Variants in TBC1D2B observed in about 807,000 individuals in gnomAD.
TBC1D2B encodes the protein TBC1 domain family member 2B.
A neutral mutation model predicts 100.8 loss-of-function variants in TBC1D2B; 64 were observed. The observed-to-expected ratio is 0.64, with a 90% CI of 0.52 to 0.78. TBC1D2B has a LOEUF of 0.78. Ranked by LOEUF, TBC1D2B falls within the 30% of genes least tolerant of loss-of-function variation. TBC1D2B has a pLI of 0.00. For missense variants in TBC1D2B, 1,052 were observed against 1,218.4 expected, an observed-to-expected ratio of 0.86 and a Z score of 2.03; for synonymous variants, 480 against 479.7, an observed-to-expected ratio of 1.00 and a Z score of -0.01.
At chr15:78,040,838 A>AGAAAG (rs369034180) in intron 3 of TBC1D2B, among the ~76,000 whole-genome samples, 1 of 16,568 alleles carries the variant, frequency 6.0e-5, no homozygotes, top group South Asian at 1.2e-3. Context: ...AAAGAAAGAA[A>AGAAAG]AAAGAAAGAA....
At chr15:78,055,904 C>T (rs951223452) in intron 1 of TBC1D2B, among the ~76,000 whole-genome samples, 1 of 152,150 alleles carries the variant, frequency 6.6e-6, no homozygotes, top group African/African-American at 2.4e-5. Context: ...GAGCAGGCGA[C>T]GCGGGGCTGG....
intron 2 of TBC1D2B, among the ~76,000 whole-genome samples, chr15:78,047,163 CTTTT>C (rs540479850): frequency 7.3e-6 from 1 of 136,878 alleles, no homozygotes; most frequent in African/African-American, 2.7e-5. Flanking sequence ...AGAGTATACA[CTTTT>C]TTTTTTTTTT....
intron 6 of TBC1D2B, among the ~76,000 whole-genome samples, chr15:78,021,829 G>A (rs781310881): frequency 4.6e-5 from 7 of 151,716 alleles, no homozygotes; most frequent in Middle Eastern, 3.4e-3. Flanking sequence ...AAGAAAAGAG[G>A]AGGGAATGTC....
chr15:78,001,596 T>A, intron 12 of TBC1D2B, 23 bp downstream of exon 12: 1 of 1,597,154 alleles, frequency 6.3e-7, no homozygotes. Flanking sequence ...CTCCTTGACA[T>A]CTGAGAACTC....
intron 1 of TBC1D2B, among the ~76,000 whole-genome samples, chr15:78,054,554 C>T (rs1053035114): frequency 2.0e-5 from 3 of 152,214 alleles, no homozygotes; most frequent in African/African-American, 4.8e-5. Flanking sequence ...GTATGAAAGA[C>T]GGCCTTGCCA....
At chr15:78,060,818 G>A (rs898420163) in intron 1 of TBC1D2B, among the ~76,000 whole-genome samples, 9 of 152,026 alleles carry the variant, frequency 5.9e-5, no homozygotes, top group South Asian at 4.2e-4. Flanking sequence ...TCGGGAGGCC[G>A]AGACAGGAGA....
intron 10 of TBC1D2B, among the ~76,000 whole-genome samples, chr15:78,005,168 G>A (rs879819131): frequency 2.0e-5 from 3 of 152,192 alleles, no homozygotes; most frequent in East Asian, 1.9e-4. Flanking sequence ...AAGGCTGCTC[G>A]GGTGCTTGGC....
rs563767934 is a variant in TBC1D2B at position 78,040,890 on chromosome 15, G to A, written c.683+4010C>T. 7.4e-3 allele frequency among the ~76,000 whole-genome samples: 1,099 copies of A among 147,710 alleles called. 18 individuals carry two copies. Among genetic ancestry groups the A allele is most frequent in the African/African-American group, 0.024 (971 of 40,252 alleles). On this transcript the variant is annotated intron_variant, in intron 3 of 12. Transcript: ENST00000300584. ...AGAAAGAAAGAAAGAAAGAGAGAGAGAGAGAAAGAAAGAAAGAAAGAAAAG... is the reference window on the plus strand; with the variant it reads ...AGAAAGAAAGAAAGAAAGAGAGAGAAAGAGAAAGAAAGAAAGAAAGAAAAG...
intron 1 of TBC1D2B, among the ~76,000 whole-genome samples, chr15:78,061,035 C>T (rs1413592178): frequency 6.9e-6 from 1 of 144,548 alleles, no homozygotes; most frequent in Non-Finnish European, 1.5e-5. Context: ...TGCTTGAGCC[C>T]CGGAGTTCAA....
chr15:78,022,875 A>G (rs374491778), intron 6 of TBC1D2B, among the ~76,000 whole-genome samples: 47 of 152,052 alleles, frequency 3.1e-4, no homozygotes, highest in African/African-American at 8.5e-4. Context: ...AATAGTAGAT[A>G]TAAGTGTAAA....
chr15:78,022,739 G>A (rs2072547215), intron 6 of TBC1D2B, among the ~76,000 whole-genome samples: 1 of 152,044 alleles, frequency 6.6e-6, no homozygotes, highest in Admixed American at 6.6e-5. Flanking sequence ...ATAGAGACGG[G>A]GGTTTCACTA....
Position 78,044,908 on chromosome 15 carries a change from A to G in TBC1D2B, c.675T>C (p.Asn225=), listed in dbSNP as rs1406836087. Residue 225 remains asparagine, a synonymous_variant, in exon 3 of 13, where the codon AAT becomes AAC. Transcript: ENST00000300584. ...GCTTTCTAAAGACTCACTTGAGCTC[A>G]TTGCCCCACTGTTTCAAAGAGTAAA... ...INFYSLKQWG[N]ELKNSMSSFR... is the part of the protein sequence containing the mutation. 5 of 1,610,342 alleles carry G rather than the reference A, an allele frequency of 3.1e-6. No individual in the cohort carries two copies. The highest frequency in any genetic ancestry group is 1.7e-5 in the Admixed American group (1 of 59,390).
At chr15:78,008,806 C>T (rs2072143520) in intron 10 of TBC1D2B, among the ~76,000 whole-genome samples, 191 bp downstream of exon 10, 1 of 152,224 alleles carries the variant, frequency 6.6e-6, no homozygotes, top group South Asian at 2.1e-4. Flanking sequence ...ATGAGCCCAA[C>T]TCGGCCTCAG....
At chr15:78,004,539 A>C (rs1403473974) in intron 10 of TBC1D2B, among the ~76,000 whole-genome samples, 1 of 152,240 alleles carries the variant, frequency 6.6e-6, no homozygotes, top group Non-Finnish European at 1.5e-5. Context: ...CTCACAAAAA[A>C]ACATGCATCT....
intron 7 of TBC1D2B, chr15:78,017,245 A>G (rs895998200): frequency 6.5e-6 from 1 of 154,568 alleles, no homozygotes; most frequent in East Asian, 1.9e-4. Flanking sequence ...TATCAGGTAT[A>G]TAACAGCTGT....
In TBC1D2B at chr15:78,034,949, T is replaced by C. The variant is rs561394338; in HGVS notation, c.684-4779A>G. 5.9e-5 allele frequency among the ~76,000 whole-genome samples: 9 copies of C among 152,338 alleles called. No individual in the cohort carries two copies. In the East Asian group the frequency reaches 1.7e-3, roughly 29 times the overall value. On this transcript the variant is annotated intron_variant, in intron 3 of 12. Transcript: ENST00000300584. ...CTCGGTGGCAACTACGTGTCCTGCC[T>C]GTGTACTCCATGAGGAGTTCACAGC...
At chr15:78,068,725 G>A (rs1338837451) in intron 1 of TBC1D2B, among the ~76,000 whole-genome samples, 1 of 152,168 alleles carries the variant, frequency 6.6e-6, no homozygotes, top group Non-Finnish European at 1.5e-5. Context: ...TCACATATCT[G>A]AATGCCAAGA....
chr15:78,054,303 G>T, intron 1 of TBC1D2B, 116 bp from the exon 2 acceptor site: 1 of 1,081,408 alleles, frequency 9.2e-7, no homozygotes, highest in Non-Finnish European at 1.2e-6. Flanking sequence ...AAGATGAACA[G>T]ATCAAGGAAA....
At chr15:78,046,066 G>A (rs2073189558) in intron 2 of TBC1D2B, among the ~76,000 whole-genome samples, 1 of 152,042 alleles carries the variant, frequency 6.6e-6, no homozygotes, top group Non-Finnish European at 1.5e-5. Flanking sequence ...CAAGTAGCTG[G>A]GATTACAGGC....
Sources: gnomAD v4.1 joint callset for allele counts (sites outside exome capture counted in the v4.1 genomes callset) on GRCh38, gnomAD v4.1.1 for gene constraint, MANE v1.5 for transcripts, NCBI Gene and HGNC (gene_info 2026-07-23, HGNC 2026-07-21) for gene names.